TLN2: variants seen among roughly 807,000 people sequenced by gnomAD.
TLN2 encodes talin-2.
In TLN2, 118 loss-of-function variants were observed where a neutral mutation model predicts 294.7. That is an observed-to-expected ratio of 0.40 (90% CI 0.34 to 0.47). The LOEUF (loss-of-function observed/expected upper bound fraction) is 0.47. Ranked by LOEUF, TLN2 falls within the 20% of genes least tolerant of loss-of-function variation. TLN2 has a pLI of 0.84. For missense variants in TLN2, 3,083 were observed against 3,282.2 expected (o/e 0.94, Z 1.48); for synonymous variants, 1,431 against 1,304.5 (o/e 1.10, Z -2.09).
At position 62,589,624 on chromosome 15, in the gene TLN2, T is replaced by C. The variant is rs1315345463; in HGVS notation, c.-237-63T>C. The C allele has an allele frequency of 2.0e-5, 3 of 152,178 alleles. No homozygotes were observed. In the East Asian group the frequency reaches 5.8e-4, roughly 29 times the overall value. The allele number at this position is 152,178 out of a possible 1,614,324, so 9.4% of individuals were successfully genotyped here. On this transcript the variant is annotated intron_variant, in intron 1 of 58. Transcript: ENST00000636159. ...TTAGTGTGGGGGAAATGACCAAATG[T>C]ATAGATTGAGATTCTTTTTCAAAAA... is the stretch of plus-strand genomic sequence containing the variant.
chr15:62,443,557 G>A (rs986986047), intron 1 of TLN2, among the ~76,000 whole-genome samples: 6 of 152,148 alleles, frequency 3.9e-5, no homozygotes, highest in African/African-American at 1.2e-4. Flanking sequence ...CCCAATCAAC[G>A]TCTATTAAAA....
chr15:62,571,866 T>C (rs553572067), intron 1 of TLN2, among the ~76,000 whole-genome samples: 5 of 152,192 alleles, frequency 3.3e-5, no homozygotes, highest in Non-Finnish European at 7.4e-5. Context: ...ACCTAAACAT[T>C]CCTCAATATT....
At chr15:62,810,463 C>A (rs2066603675) in intron 52 of TLN2, among the ~76,000 whole-genome samples, 1 of 152,138 alleles carries the variant, frequency 6.6e-6, no homozygotes, top group Non-Finnish European at 1.5e-5. Flanking sequence ...GCTGCCAGTG[C>A]TGCAAGTGAC....
Position 62,761,825 on chromosome 15 carries a change from G to A in TLN2, c.4779+4G>A, listed in dbSNP as rs781085096. On this transcript the variant is annotated splice_donor_region_variant and intron_variant, in intron 38 of 58. Coordinates refer to ENST00000636159, the MANE Select transcript of TLN2 (RefSeq NM_015059.3). ...TCCTGCCCAGATCAGCTCCGAGGTAGGGAGTGTTTACAGGAACATCATACT... is the reference window on the plus strand; with the variant it reads ...TCCTGCCCAGATCAGCTCCGAGGTAAGGAGTGTTTACAGGAACATCATACT... The A allele has an allele frequency of 1.1e-5, 17 of 1,613,916 alleles. No homozygotes were observed. Among genetic ancestry groups the A allele is most frequent in the Non-Finnish European group, 1.4e-5 (16 of 1,179,970 alleles).
chr15:62,603,435 T>G (rs561639469), intron 2 of TLN2, among the ~76,000 whole-genome samples: 1 of 149,466 alleles, frequency 6.7e-6, no homozygotes, highest in Admixed American at 6.7e-5. Context: ...TGTAGTGGCA[T>G]AGAGAGAGAG....
intron 3 of TLN2, among the ~76,000 whole-genome samples, chr15:62,636,716 C>A (rs1247066223): frequency 2.0e-5 from 3 of 152,088 alleles, no homozygotes; most frequent in Non-Finnish European, 4.4e-5. Flanking sequence ...AAGATTCTTC[C>A]ATTTTTTAGG....
In TLN2 at chr15:62,601,356, A is replaced by T. The variant is rs1274853062; in HGVS notation, c.-162+11594A>T. 2.0e-5 allele frequency among the ~76,000 whole-genome samples: 3 copies of T among 152,164 alleles called. No individual in the cohort carries two copies. The East Asian group carries it at 5.8e-4, about 29-fold the overall frequency. On this transcript the variant is annotated intron_variant, in intron 2 of 58. Transcript: ENST00000636159. ...AAACCCCACTGTAGTTTTTTGTTCT[A>T]CAGTCTGGATTTTGGTGGTCGGTTT...
chr15:62,422,589 A>C (rs1276969555), intron 1 of TLN2, among the ~76,000 whole-genome samples: 1 of 152,216 alleles, frequency 6.6e-6, no homozygotes, highest in Non-Finnish European at 1.5e-5. Context: ...GGAGGTCTCC[A>C]GATCGAAGGT....
At chr15:62,428,274 T>C (rs1213818272) in intron 1 of TLN2, among the ~76,000 whole-genome samples, 1 of 152,184 alleles carries the variant, frequency 6.6e-6, no homozygotes, top group African/African-American at 2.4e-5. Flanking sequence ...ATGGTGGCCT[T>C]AACACCGGTG....
chr15:62,667,720 T>C (rs1482870354), intron 9 of TLN2, among the ~76,000 whole-genome samples: 1 of 152,226 alleles, frequency 6.6e-6, no homozygotes, highest in African/African-American at 2.4e-5. Flanking sequence ...CTCCAAATCA[T>C]TGCTGCTTCC....
intron 1 of TLN2, among the ~76,000 whole-genome samples, chr15:62,446,153 C>A (rs1054630898): frequency 6.6e-6 from 1 of 152,002 alleles, no homozygotes; most frequent in Non-Finnish European, 1.5e-5. Context: ...ACTACAGGCG[C>A]CCGCCACCAC....
chr15:62,806,977 T>G (rs2066333649), intron 51 of TLN2, among the ~76,000 whole-genome samples: 1 of 151,996 alleles, frequency 6.6e-6, no homozygotes, highest in South Asian at 2.1e-4. Context: ...ATGACGGAAT[T>G]TGTGTGCAAG....
In TLN2 at chr15:62,452,477, T is replaced by A. The variant is rs1296324410; in HGVS notation, c.-238+61792T>A. ...AAACATAACACGAAATTTACTACTTTAACCATTTGTAAGTGTATAGTTGAG... is the reference window on the plus strand; with the variant it reads ...AAACATAACACGAAATTTACTACTTAAACCATTTGTAAGTGTATAGTTGAG... On this transcript the variant is annotated intron_variant, in intron 1 of 58. Coordinates refer to ENST00000636159, the MANE Select transcript of TLN2 (RefSeq NM_015059.3). Among the ~76,000 whole-genome samples, 3 of 152,198 alleles carry A rather than the reference T, an allele frequency of 2.0e-5. No individual in the cohort carries two copies. In the South Asian group the frequency reaches 6.2e-4, roughly 32 times the overall value.
intron 43 of TLN2, among the ~76,000 whole-genome samples, chr15:62,777,213 G>T (rs567506651): frequency 6.7e-6 from 1 of 148,810 alleles, no homozygotes; most frequent in African/African-American, 2.5e-5. Context: ...GGTTTGTTGT[G>T]GGGGAACAAT....
intron 1 of TLN2, among the ~76,000 whole-genome samples, chr15:62,552,365 G>C (rs1055241336): frequency 6.6e-6 from 1 of 152,056 alleles, no homozygotes; most frequent in African/African-American, 2.4e-5. Context: ...AGATTTATTT[G>C]TAACCTACAA....
intron 22 of TLN2, 111 bp from the exon 23 acceptor site, chr15:62,716,220 T>C: frequency 8.0e-7 from 1 of 1,250,816 alleles, no homozygotes; most frequent in South Asian, 2.6e-5. Context: ...CTTGTGGCAT[T>C]TGACTATCCT....
At chr15:62,547,794 C>T (rs1039590923) in intron 1 of TLN2, among the ~76,000 whole-genome samples, 8 of 152,188 alleles carry the variant, frequency 5.3e-5, no homozygotes, top group Non-Finnish European at 1.5e-5. Flanking sequence ...CCTCATCCAG[C>T]TGTTACTGCC....
chr15:62,800,460 C>T lies in TLN2; in HGVS notation c.6327C>T (p.Asp2109=), dbSNP rs1207966655. ...GAGCTGCCAGCAAGCCAGTGGACGA[C>T]CCTTCCATGTACCAGCTCAAGGGGG... ...TKGAASKPVD[D]PSMYQLKGAA... is the part of the protein sequence containing the mutation. The change falls in exon 49 of 59, where the codon GAC becomes GAT. Residue 2109 remains aspartate (D), a synonymous_variant. Transcript: ENST00000636159. 6 of 1,614,122 alleles carry T rather than the reference C, an allele frequency of 3.7e-6. No individual in the cohort carries two copies. The highest frequency in any genetic ancestry group is 8.5e-7 in the Non-Finnish European group (1 of 1,180,054).
intron 1 of TLN2, among the ~76,000 whole-genome samples, chr15:62,544,076 A>T (rs970293259): frequency 1.3e-5 from 2 of 152,176 alleles, no homozygotes; most frequent in Admixed American, 1.3e-4. Flanking sequence ...GCTGTAAGAT[A>T]AGTTAGCTAT....
Sources: gnomAD v4.1 joint callset for allele counts (sites outside exome capture counted in the v4.1 genomes callset) on GRCh38, gnomAD v4.1.1 for gene constraint, MANE v1.5 for transcripts, NCBI Gene and HGNC (gene_info 2026-07-23, HGNC 2026-07-21) for gene names.